Variants in TLK1 observed in about 807,000 individuals in gnomAD.
TLK1 encodes tousled like kinase 1, also known as serine/threonine-protein kinase tousled-like 1.
TLK1 carries 24 observed loss-of-function variants against 105.3 expected under a neutral mutation model. The observed-to-expected ratio is 0.23, with a 90% CI of 0.17 to 0.32. The LOEUF (loss-of-function observed/expected upper bound fraction) is 0.32. Among genes scored for constraint, TLK1 ranks in the 10% least tolerant of loss-of-function variants. The pLI is 1.00. For missense variants in TLK1, 558 were observed against 910.5 expected, an observed-to-expected ratio of 0.61 and a Z score of 4.98; for synonymous variants, 321 against 310.4, an observed-to-expected ratio of 1.03 and a Z score of -0.36.
At chr2:171,054,943 T>C in intron 7 of TLK1, 140 bp downstream of exon 7, 1 of 446,506 alleles carries the variant, frequency 2.2e-6, no homozygotes, top group Non-Finnish European at 3.9e-6. Flanking sequence ...ATTCTGTTGT[T>C]TTTGTTTAGT....
At position 171,226,320 on chromosome 2, in the gene TLK1, C is replaced by T. The variant is rs188567787; in HGVS notation, c.-6+4825G>A. On this transcript the variant is annotated intron_variant, in intron 1 of 20. Coordinates refer to the TLK1 transcript ENST00000521943. ...GAAATTAAAATCTTGTTTGCCTTCA[C>T]ATAAATCAGTAAAGCATCAAAAGAG... 2.0e-5 allele frequency among the ~76,000 whole-genome samples: 3 copies of T among 152,214 alleles called. No individual in the cohort carries two copies. In the East Asian group the frequency reaches 5.8e-4, roughly 29 times the overall value.
In TLK1 at chr2:170,993,650, T is replaced by C; in HGVS notation, c.*130A>G. ...TGAGGAACTTCAGTTCACAAACAGT[T>C]CTTAACCACGTCTTGTGTAAAAAAA... On this transcript the variant is annotated 3_prime_UTR_variant, in exon 21 of 21. Transcript: ENST00000431350. The C allele has an allele frequency of 7.0e-6, 6 of 862,206 alleles. No homozygotes were observed. Among genetic ancestry groups the C allele is most frequent in the Admixed American group, 3.6e-5 (1 of 27,730 alleles). The allele number at this position is 862,206 out of a possible 1,614,324, so 53.4% of individuals were successfully genotyped here.
chr2:171,117,255 T>C (rs886463538), intron 2 of TLK1, among the ~76,000 whole-genome samples: 3 of 152,172 alleles, frequency 2.0e-5, no homozygotes, highest in Non-Finnish European at 2.9e-5. Context: ...CCTATGAGAA[T>C]CTAACGCTGC....
At chr2:171,022,972 A>G (rs1685597528) in intron 12 of TLK1, 2 of 438,134 alleles carry the variant, frequency 4.6e-6, no homozygotes, top group Non-Finnish European at 9.4e-6. Flanking sequence ...AAGGAGTGAG[A>G]AAAGAGCTGT....
chr2:171,148,700 T>C (rs55644524), intron 1 of TLK1, among the ~76,000 whole-genome samples: 17,135 of 150,872 alleles, frequency 0.11, 1,526 homozygotes, highest in African/African-American at 0.25. Flanking sequence ...CTGGCCAACA[T>C]GGTGACACCC....
At chr2:171,200,295 C>T (rs747336599) in intron 1 of TLK1, among the ~76,000 whole-genome samples, 1 of 152,146 alleles carries the variant, frequency 6.6e-6, no homozygotes, top group Admixed American at 6.6e-5. Context: ...TCTACCCCCC[C>T]ATCCTGTGTT....
At chr2:171,096,877 GAATT>G (rs1165782473) in intron 2 of TLK1, among the ~76,000 whole-genome samples, 8 of 152,110 alleles carry the variant, frequency 5.3e-5, no homozygotes, top group Non-Finnish European at 8.8e-5. Flanking sequence ...TGAATTGAAA[GAATT>G]AATATTGTTT....
intron 11 of TLK1, among the ~76,000 whole-genome samples, chr2:171,038,230 A>G (rs1455346769): frequency 2.0e-5 from 3 of 152,122 alleles, no homozygotes; most frequent in Admixed American, 1.3e-4. Context: ...AAAATCAATC[A>G]TATCAATTGT....
At chr2:171,111,458 G>A (rs1381323293) in intron 2 of TLK1, among the ~76,000 whole-genome samples, 1 of 151,924 alleles carries the variant, frequency 6.6e-6, no homozygotes, top group African/African-American at 2.4e-5. Context: ...TGGTGCAAGC[G>A]CCTATAGTCC....
intron 20 of TLK1, among the ~76,000 whole-genome samples, chr2:170,995,893 G>T (rs965077176): frequency 1.3e-5 from 2 of 152,130 alleles, no homozygotes; most frequent in African/African-American, 4.8e-5. Flanking sequence ...AGTAGAGATG[G>T]GGTTTCACCA....
At chr2:170,996,179 A>G (rs1323792290) in intron 20 of TLK1, among the ~76,000 whole-genome samples, 1 of 151,626 alleles carries the variant, frequency 6.6e-6, no homozygotes, top group Non-Finnish European at 1.5e-5. Flanking sequence ...TTGTATTTTT[A>G]GTAGAGACCG....
At chr2:171,135,319 G>GTGTATA (rs533903072) in intron 1 of TLK1, among the ~76,000 whole-genome samples, 43 of 70,314 alleles carry the variant, frequency 6.1e-4, no homozygotes, top group African/African-American at 2.7e-3. Context: ...GTGTGTGTGT[G>GTGTATA]TATATATATA....
intron 1 of TLK1, among the ~76,000 whole-genome samples, chr2:171,137,857 AT>A (rs1199019927): frequency 7.2e-5 from 11 of 151,792 alleles, no homozygotes; most frequent in South Asian, 2.1e-4. Context: ...TCAAAAAAAA[AT>A]AAAATAAAAT....
intron 2 of TLK1, among the ~76,000 whole-genome samples, chr2:171,097,882 A>G (rs898666965): frequency 1.3e-5 from 2 of 150,230 alleles, no homozygotes; most frequent in African/African-American, 2.4e-5. Flanking sequence ...CCAAGATCGC[A>G]TTACTGCATT....
chr2:171,201,760 T>C (rs548485333), intron 1 of TLK1, among the ~76,000 whole-genome samples: 2 of 152,214 alleles, frequency 1.3e-5, no homozygotes, highest in African/African-American at 4.8e-5. Context: ...CCTGAAGTCA[T>C]ATCTCTTCAC....
At chr2:171,071,658 A>G (rs965105981) in intron 3 of TLK1, among the ~76,000 whole-genome samples, 6 of 152,162 alleles carry the variant, frequency 3.9e-5, no homozygotes, top group African/African-American at 1.4e-4. Flanking sequence ...GCCCAGACCA[A>G]TGTCCTGGAG....
intron 1 of TLK1, among the ~76,000 whole-genome samples, chr2:171,220,815 A>T (rs774330493): frequency 6.6e-6 from 1 of 151,374 alleles, no homozygotes; most frequent in Non-Finnish European, 1.5e-5. Context: ...TGCCCCTCTC[A>T]CCCCCTAAAA....
Position 171,037,835 on chromosome 2 carries a change from T to C in TLK1, c.1169+8339A>G, listed in dbSNP as rs111492681. Among the ~76,000 whole-genome samples the C allele has an allele frequency of 3.8e-3, 574 of 152,326 alleles. 6 individuals are homozygous for C. Among genetic ancestry groups the C allele is most frequent in the African/African-American group, 0.013 (530 of 41,580 alleles). On this transcript the variant is annotated intron_variant, in intron 11 of 20. Transcript: ENST00000431350. Reference sequence around the variant, plus strand: ...AACTGTCATTCTTGTACAATCTTTGTTGAGTTTTGACATCAAGATTATGTC... The same window carrying C: ...AACTGTCATTCTTGTACAATCTTTGCTGAGTTTTGACATCAAGATTATGTC...
Position 171,006,632 on chromosome 2 carries a change from A to G in TLK1, c.1610T>C (p.Val537Ala). 1 of 1,612,376 alleles carries G rather than the reference A, an allele frequency of 6.2e-7. No individual in the cohort carries two copies. The highest frequency in any genetic ancestry group is 8.5e-7 in the Non-Finnish European group (1 of 1,179,710). Residue 537 changes from valine (V) to alanine (A), a missense_variant, in exon 17 of 21, where the codon GTG (valine) becomes GCG (alanine). Coordinates refer to ENST00000431350, the MANE Select transcript of TLK1 (RefSeq NM_012290.5). ...GTCATTGCCTTCACAGTATTCTAAC[A>G]CTGTACAAAACCTACAACAGAGAAG... ...FSLDTDTFCT[V>A]LEYCEGNDLD...
Sources: gnomAD v4.1 joint callset for allele counts (sites outside exome capture counted in the v4.1 genomes callset) on GRCh38, gnomAD v4.1.1 for gene constraint, MANE v1.5 for transcripts, NCBI Gene and HGNC (gene_info 2026-07-23, HGNC 2026-07-21) for gene names.